The following PLEKHH2 variants were observed in gnomAD, a reference collection of about 807,000 sequenced individuals.
PLEKHH2 encodes pleckstrin homology domain-containing family H member 2.
A neutral mutation model predicts 187.9 loss-of-function variants in PLEKHH2; 129 were observed. The ratio of observed to expected loss-of-function variants is 0.69; its 90% confidence interval spans 0.59 to 0.79. The LOEUF is 0.79. PLEKHH2 is among the 30% of genes least tolerant of loss of function. The pLI, the probability that PLEKHH2 is intolerant of heterozygous loss-of-function variation, is 0.00. For synonymous variants in PLEKHH2, 686 were observed against 605.6 expected (o/e 1.13, Z -1.95); for missense variants, 2,076 against 1,751.2 (o/e 1.19, Z -3.31).
intron 2 of PLEKHH2, among the ~76,000 whole-genome samples, chr2:43,655,496 A>T (rs763304513): frequency 5.9e-5 from 9 of 152,226 alleles, no homozygotes; most frequent in African/African-American, 9.6e-5. Flanking sequence ...TTGAACTTTC[A>T]TGAAGCTCTT....
At chr2:43,677,016 A>G (rs971181704) in intron 2 of PLEKHH2, among the ~76,000 whole-genome samples, 1 of 152,170 alleles carries the variant, frequency 6.6e-6, no homozygotes, top group Non-Finnish European at 1.5e-5. Context: ...TTAATCTACA[A>G]TCCACTGAAG....
chr2:43,681,113 G>A (rs965755477), intron 3 of PLEKHH2: 5 of 979,670 alleles, frequency 5.1e-6, no homozygotes, highest in South Asian at 2.9e-5. Flanking sequence ...AATTACTATG[G>A]TTGTGAAACC....
chr2:43,755,542 A>G (rs149402736), intron 25 of PLEKHH2, among the ~76,000 whole-genome samples: 2 of 152,256 alleles, frequency 1.3e-5, no homozygotes, highest in East Asian at 3.9e-4. Flanking sequence ...ATCTATTGCT[A>G]CATAACTAAT....
At chr2:43,733,134 G>A (rs995511218) in intron 19 of PLEKHH2, among the ~76,000 whole-genome samples, 4 of 152,048 alleles carry the variant, frequency 2.6e-5, no homozygotes, top group East Asian at 1.9e-4. Context: ...AGGCCGAGGC[G>A]GGCAGATCAT....
intron 23 of PLEKHH2, among the ~76,000 whole-genome samples, chr2:43,744,867 C>CAAAAAAAAAAAAAAAAAAAAAA (rs774106764): frequency 1.2e-5 from 1 of 82,764 alleles, no homozygotes; most frequent in African/African-American, 4.3e-5. Context: ...GACTGTCTCA[C>CAAAAAAAAAAAAAAAAAAAAAA]AAAAAAAAAA....
chr2:43,639,650 C>CTTTTTTTTT (rs869116400), intron 1 of PLEKHH2, among the ~76,000 whole-genome samples: 2 of 99,226 alleles, frequency 2.0e-5, no homozygotes, highest in Non-Finnish European at 3.8e-5. Flanking sequence ...GGATGTACCA[C>CTTTTTTTTT]TTTTTTTTTT....
chr2:43,676,403 C>A, intron 2 of PLEKHH2: 1 of 1,165,830 alleles, frequency 8.6e-7, no homozygotes, highest in East Asian at 2.4e-5. Context: ...CCGGAGCTGG[C>A]GGCTGCGCTC....
intron 15 of PLEKHH2, among the ~76,000 whole-genome samples, chr2:43,712,968 C>T (rs1175386752): frequency 6.6e-6 from 1 of 151,828 alleles, no homozygotes. Context: ...CTAGTTTCTG[C>T]AATTACATAG....
chr2:43,655,526 A>G (rs1178751452), intron 2 of PLEKHH2, among the ~76,000 whole-genome samples: 1 of 152,236 alleles, frequency 6.6e-6, no homozygotes. Flanking sequence ...GTAATTATGT[A>G]TCTTTGATGG....
At position 43,762,300 on chromosome 2, in the gene PLEKHH2, A is replaced by G; in HGVS notation, c.4072-4A>G. 6.2e-7 allele frequency: 1 copy of G among 1,604,496 alleles called. No homozygotes were observed. The highest frequency in any genetic ancestry group is 8.5e-7 in the Non-Finnish European group (1 of 1,171,478). On this transcript the variant is annotated splice_region_variant and splice_polypyrimidine_tract_variant and intron_variant, in intron 27 of 29. Transcript: ENST00000282406. ...TAATATAGTGTATTTTCACCTCTTC[A>G]TAGCCCATAACTCCATCATCACTTG... is the stretch of plus-strand genomic sequence containing the variant.
At chr2:43,675,104 T>G in intron 2 of PLEKHH2, 1 of 300,898 alleles carries the variant, frequency 3.3e-6, no homozygotes. Flanking sequence ...ATGTGTAACT[T>G]AAAATATTCT....
chr2:43,641,091 G>A (rs1238717888), intron 1 of PLEKHH2, among the ~76,000 whole-genome samples: 1 of 151,652 alleles, frequency 6.6e-6, no homozygotes, highest in Non-Finnish European at 1.5e-5. Context: ...CCACGTCCAG[G>A]CCTTTGCCCA....
chr2:43,643,783 A>G (rs1030394799), intron 1 of PLEKHH2, among the ~76,000 whole-genome samples: 1 of 152,092 alleles, frequency 6.6e-6, no homozygotes, highest in Non-Finnish European at 1.5e-5. Context: ...GCCTGATAAA[A>G]TATTACCAAA....
In PLEKHH2 at chr2:43,666,239, A is replaced by T. The variant is rs548386096; in HGVS notation, c.124-12624A>T. Among the ~76,000 whole-genome samples the T allele has an allele frequency of 8.6e-5, 13 of 150,944 alleles. No individual in the cohort carries two copies. The East Asian group carries it at 2.5e-3, about 29-fold the overall frequency. The stretch of plus-strand genomic sequence containing the variant: ...TCGGGTGGGAGTGACCCGATTTTCC[A>T]GGTGCATCCGTCACCCCTTTCTTTG... On this transcript the variant is annotated intron_variant, in intron 2 of 29. Coordinates refer to ENST00000282406, the MANE Select transcript of PLEKHH2 (RefSeq NM_172069.4).
chr2:43,717,974 G>T (rs1447361056), intron 15 of PLEKHH2, among the ~76,000 whole-genome samples: 1 of 152,200 alleles, frequency 6.6e-6, no homozygotes, highest in Non-Finnish European at 1.5e-5. Flanking sequence ...GATTTGTGGT[G>T]GAGAATGCTA....
rs1383524359 is a variant in PLEKHH2 at position 43,677,596 on chromosome 2, T to C, written c.124-1267T>C. On this transcript the variant is annotated intron_variant, in intron 2 of 29. Coordinates refer to ENST00000282406, the MANE Select transcript of PLEKHH2 (RefSeq NM_172069.4). ...AAAATGAAAAGTCTCCCATGTCTACTTCTTTCCACACAGACACGGCAACCA... is the reference window on the plus strand; with the variant it reads ...AAAATGAAAAGTCTCCCATGTCTACCTCTTTCCACACAGACACGGCAACCA... 2.0e-5 allele frequency among the ~76,000 whole-genome samples: 3 copies of C among 151,862 alleles called. No individual in the cohort carries two copies. In the East Asian group the frequency reaches 5.8e-4, roughly 29 times the overall value.
chr2:43,749,323 G>A (rs916825483), intron 24 of PLEKHH2, among the ~76,000 whole-genome samples: 1 of 152,162 alleles, frequency 6.6e-6, no homozygotes, highest in African/African-American at 2.4e-5. Context: ...AGGTTGTGGA[G>A]TCTTCACTTC....
intron 25 of PLEKHH2, among the ~76,000 whole-genome samples, chr2:43,755,961 T>C (rs897495476): frequency 1.4e-4 from 21 of 152,334 alleles, no homozygotes; most frequent in African/African-American, 5.1e-4. Flanking sequence ...GTAACTGGGA[T>C]AGAGATACAG....
chr2:43,745,728 C>T, intron 23 of PLEKHH2, 138 bp from the exon 24 acceptor site: 1 of 591,408 alleles, frequency 1.7e-6, no homozygotes, highest in Non-Finnish European at 2.9e-6. Flanking sequence ...CAGAGCCGCA[C>T]AGAGGCTGAA....
Sources: allele counts gnomAD v4.1 joint callset (sites outside exome capture counted in the v4.1 genomes callset), GRCh38; gene constraint gnomAD v4.1.1; transcripts MANE v1.5; gene names NCBI Gene and HGNC (gene_info 2026-07-23, HGNC 2026-07-21).